Variants in ARID5B observed in about 807,000 individuals in gnomAD.
ARID5B encodes AT-rich interaction domain 5B.
In ARID5B, 13 loss-of-function variants were observed where a neutral mutation model predicts 97.2. The observed-to-expected ratio is 0.13, with a 90% CI of 0.09 to 0.21. ARID5B has a LOEUF of 0.21. ARID5B is among the 10% of genes least tolerant of loss of function. The pLI is 1.00. For synonymous variants in ARID5B, 556 were observed against 570.3 expected, an observed-to-expected ratio of 0.97 and a Z score of 0.36; for missense variants, 1,210 against 1,465.3, an observed-to-expected ratio of 0.83 and a Z score of 2.84.
intron 4 of ARID5B, among the ~76,000 whole-genome samples, chr10:62,024,191 G>A (rs929478768): frequency 6.6e-6 from 1 of 152,130 alleles, no homozygotes; most frequent in Non-Finnish European, 1.5e-5. Context: ...TAAACCTTAT[G>A]GAATTAAATC....
intron 8 of ARID5B, 37 bp downstream of exon 8, chr10:62,069,834 T>C (rs770160017): frequency 6.3e-7 from 1 of 1,594,586 alleles, no homozygotes; most frequent in Non-Finnish European, 8.6e-7. Flanking sequence ...TAGTTAAAAG[T>C]GTGTTAATTG....
chr10:61,932,129 G>A (rs1186883322), intron 2 of ARID5B, among the ~76,000 whole-genome samples: 1 of 152,184 alleles, frequency 6.6e-6, no homozygotes, highest in Non-Finnish European at 1.5e-5. Flanking sequence ...CTAGTCACAT[G>A]ACTGTTTTGG....
intron 3 of ARID5B, among the ~76,000 whole-genome samples, chr10:61,983,974 G>A: frequency 4.9e-5 from 1 of 20,610 alleles, no homozygotes; most frequent in African/African-American, 1.5e-4. Flanking sequence ...TGCAAGCTCC[G>A]CTTCCCGGGT....
At chr10:62,004,309 G>A (rs952386412) in intron 4 of ARID5B, among the ~76,000 whole-genome samples, 2 of 152,178 alleles carry the variant, frequency 1.3e-5, no homozygotes, top group Non-Finnish European at 1.5e-5. Context: ...TCGACATTCT[G>A]CTTGCATTCT....
At chr10:62,015,281 T>C (rs1839269175) in intron 4 of ARID5B, among the ~76,000 whole-genome samples, 1 of 152,326 alleles carries the variant, frequency 6.6e-6, no homozygotes, top group South Asian at 2.1e-4. Context: ...CAATAATACT[T>C]AGGTAGGGAT....
chr10:62,003,398 G>T (rs1194607087), intron 4 of ARID5B, among the ~76,000 whole-genome samples: 1 of 152,148 alleles, frequency 6.6e-6, no homozygotes, highest in African/African-American at 2.4e-5. Context: ...CGTGAAAAAG[G>T]CAGGGTTTGA....
chr10:62,037,507 G>A (rs758508510), intron 4 of ARID5B, among the ~76,000 whole-genome samples: 31 of 152,150 alleles, frequency 2.0e-4, no homozygotes, highest in Non-Finnish European at 3.5e-4. Context: ...CAGCTTTGCC[G>A]TACACAAAGA....
intron 4 of ARID5B, among the ~76,000 whole-genome samples, chr10:62,045,982 T>G (rs562532961): frequency 3.0e-4 from 46 of 152,292 alleles, no homozygotes; most frequent in Non-Finnish European, 2.9e-5. Flanking sequence ...TTAGGAAAAT[T>G]GTGCTGGTTT....
chr10:61,945,177 C>A (rs1208148615), intron 3 of ARID5B, among the ~76,000 whole-genome samples: 1 of 152,140 alleles, frequency 6.6e-6, no homozygotes, highest in Non-Finnish European at 1.5e-5. Flanking sequence ...CCTGAGTGCT[C>A]TCATGAATTT....
chr10:61,950,763 G>A (rs773920300), intron 3 of ARID5B, among the ~76,000 whole-genome samples: 15 of 152,192 alleles, frequency 9.9e-5, no homozygotes, highest in Non-Finnish European at 1.6e-4. Context: ...GGAGGTGCAT[G>A]ATGCTTTTAT....
chr10:62,059,386 A>G (rs573405616), intron 7 of ARID5B, 91 bp downstream of exon 7: 47 of 1,029,478 alleles, frequency 4.6e-5, no homozygotes, highest in Non-Finnish European at 6.3e-5. Context: ...AGGGCAAAAC[A>G]TCACTGACTG....
intron 3 of ARID5B, among the ~76,000 whole-genome samples, chr10:61,985,586 TG>T (rs575784644): frequency 7.4e-4 from 113 of 152,228 alleles, no homozygotes; most frequent in African/African-American, 2.5e-3. Flanking sequence ...GGTTTCCTTT[TG>T]GGGTGATGAA....
At chr10:62,086,721 A>G (rs1840289297) in intron 9 of ARID5B, among the ~76,000 whole-genome samples, 1 of 137,286 alleles carries the variant, frequency 7.3e-6, no homozygotes. Flanking sequence ...AATATCAGGC[A>G]TGGTGGTGCC....
At chr10:62,040,061 C>A (rs1396610396) in intron 4 of ARID5B, among the ~76,000 whole-genome samples, 2 of 152,180 alleles carry the variant, frequency 1.3e-5, no homozygotes, top group African/African-American at 4.8e-5. Flanking sequence ...TTACATTATA[C>A]CCGACCCATA....
intron 3 of ARID5B, among the ~76,000 whole-genome samples, chr10:61,972,127 C>T (rs1838636134): frequency 6.6e-6 from 1 of 151,358 alleles, no homozygotes; most frequent in Admixed American, 6.6e-5. Context: ...ACTGAGATAA[C>T]TAGTGTTGAT....
At chr10:62,028,660 A>T (rs887697731) in intron 4 of ARID5B, among the ~76,000 whole-genome samples, 3 of 152,128 alleles carry the variant, frequency 2.0e-5, no homozygotes. Flanking sequence ...GAAGTGCTGC[A>T]CATAAAGCTC....
intron 3 of ARID5B, among the ~76,000 whole-genome samples, chr10:61,991,073 C>CACACACACACACACACACACA (rs1554842863): frequency 6.6e-6 from 1 of 150,504 alleles, no homozygotes; most frequent in African/African-American, 2.4e-5. Context: ...CACACACACA[C>CACACACACACACACACACACA]CAAATTTTGT....
chr10:61,941,771 C>T (rs1844414976), intron 3 of ARID5B, among the ~76,000 whole-genome samples: 1 of 152,170 alleles, frequency 6.6e-6, no homozygotes, highest in Non-Finnish European at 1.5e-5. Context: ...CTGATTGTCA[C>T]CTGCACATTT....
chr10:61,933,547 T>G (rs184776361), intron 2 of ARID5B, among the ~76,000 whole-genome samples: 1 of 152,372 alleles, frequency 6.6e-6, no homozygotes, highest in East Asian at 1.9e-4. Context: ...AGTTACTCCT[T>G]GATCCATGGA....
Sources: allele counts gnomAD v4.1 joint callset (sites outside exome capture counted in the v4.1 genomes callset), GRCh38; gene constraint gnomAD v4.1.1; transcripts MANE v1.5; gene names NCBI Gene and HGNC (gene_info 2026-07-23, HGNC 2026-07-21).